Variants in CSNK1D observed in about 807,000 individuals in gnomAD.
CSNK1D encodes casein kinase I isoform delta.
A neutral mutation model predicts 46.6 loss-of-function variants in CSNK1D; 16 were observed. The observed-to-expected ratio is 0.34, with a 90% CI of 0.23 to 0.52. The LOEUF is 0.52. Among genes scored for constraint, CSNK1D ranks in the 20% least tolerant of loss-of-function variants. The pLI is 0.95. For synonymous variants in CSNK1D, 276 were observed against 228.2 expected (o/e 1.21, Z -1.89); for missense variants, 398 against 578.4 (o/e 0.69, Z 3.20).
At chr17:82,268,271 G>A (rs962265195) in intron 1 of CSNK1D, among the ~76,000 whole-genome samples, 1 of 152,294 alleles carries the variant, frequency 6.6e-6, no homozygotes, top group East Asian at 1.9e-4. Flanking sequence ...CCTCAAGGTC[G>A]CTGAGCACTG....
Position 82,273,150 on chromosome 17 carries a change from A to G in CSNK1D, c.76+156T>C. 1.4e-6 allele frequency: 1 copy of G among 718,866 alleles called. No homozygotes were observed. Among genetic ancestry groups the G allele is most frequent in the Non-Finnish European group, 2.2e-6 (1 of 446,006 alleles). The allele number at this position is 718,866 out of a possible 1,614,324, so 44.5% of individuals were successfully genotyped here. On this transcript the variant is annotated intron_variant, in intron 1 of 8. Coordinates refer to ENST00000314028, the MANE Select transcript of CSNK1D (RefSeq NM_001893.6). The surrounding 1 kb of genome is among the most constrained non-coding windows in gnomAD (Gnocchi z 5.1). ...TGCCCTCCCCACCCCTGGCCGCGCT[A>G]GCCTAGTGGCCGTTGGGTTCTGGCC...
At chr17:82,264,423 A>G (rs1464934766) in intron 2 of CSNK1D, among the ~76,000 whole-genome samples, 1 of 152,230 alleles carries the variant, frequency 6.6e-6, no homozygotes, top group Non-Finnish European at 1.5e-5. Context: ...TTGAAAGTCC[A>G]GGGAACTCGC....
At chr17:82,245,007 G>A in intron 8 of CSNK1D, 176 bp from the exon 9 acceptor site, 2 of 761,784 alleles carry the variant, frequency 2.6e-6, no homozygotes, top group Admixed American at 2.2e-5. Flanking sequence ...CACGTGCTCA[G>A]CAGAACGAGT....
chr17:82,255,251 A>G lies in CSNK1D; in HGVS notation c.336+178T>C, dbSNP rs1445754675. On this transcript the variant is annotated intron_variant, in intron 3 of 8. Coordinates refer to ENST00000314028, the MANE Select transcript of CSNK1D (RefSeq NM_001893.6). The surrounding 1 kb of genome is among the most constrained non-coding windows in gnomAD (Gnocchi z 5.9). ...GGAGCCTCGAGAAGCCAGTGAGCGG[A>G]GCCACCGGAGCCTCGAGAAGCCAGT... 2.3e-5 allele frequency: 17 copies of G among 750,876 alleles called. No homozygotes were observed. Among genetic ancestry groups the G allele is most frequent in the Non-Finnish European group, 3.7e-5 (16 of 438,354 alleles). 46.5% of individuals were successfully genotyped at this position (750,876 alleles called of 1,614,324 possible).
At chr17:82,264,215 C>T (rs1348254402) in intron 2 of CSNK1D, among the ~76,000 whole-genome samples, 2 of 152,222 alleles carry the variant, frequency 1.3e-5, no homozygotes, top group African/African-American at 2.4e-5. Context: ...GGGGACTCAC[C>T]CAACCATCCA....
chr17:82,258,332 A>G (rs557707545), intron 2 of CSNK1D, among the ~76,000 whole-genome samples: 5 of 150,570 alleles, frequency 3.3e-5, no homozygotes, highest in African/African-American at 1.2e-4. Context: ...ACCTGAACAT[A>G]TGTGTATATA....
chr17:82,243,452 C>T lies in CSNK1D; in HGVS notation c.*1329G>A. The T allele has an allele frequency of 1.0e-6, 1 of 985,566 alleles. No homozygotes were observed. Among genetic ancestry groups the T allele is most frequent in the Non-Finnish European group, 1.2e-6 (1 of 830,008 alleles). 61.1% of individuals were successfully genotyped at this position (985,566 alleles called of 1,614,324 possible). ...AAGGCATCCTGGGAACCTCAGGGCACAGCAGCATGGAGCCTGGGGCAGCAC... is the reference window on the plus strand; with the variant it reads ...AAGGCATCCTGGGAACCTCAGGGCATAGCAGCATGGAGCCTGGGGCAGCAC... On this transcript the variant is annotated 3_prime_UTR_variant, in exon 9 of 9. Coordinates refer to ENST00000314028, the MANE Select transcript of CSNK1D (RefSeq NM_001893.6).
chr17:82,249,409 G>A lies in CSNK1D; in HGVS notation c.1057+22C>T. 2 of 1,533,842 alleles carry A rather than the reference G, an allele frequency of 1.3e-6. No individual in the cohort carries two copies. Among genetic ancestry groups the A allele is most frequent in the Non-Finnish European group, 1.7e-6 (2 of 1,144,802 alleles). On this transcript the variant is annotated intron_variant, in intron 7 of 8. Coordinates refer to ENST00000314028, the MANE Select transcript of CSNK1D (RefSeq NM_001893.6). The surrounding 1 kb of genome is among the most constrained non-coding windows in gnomAD (Gnocchi z 6.7). ...AAGTCACCCCAGAGCCAGCCCCAGA[G>A]CGCTGGGAGGGGGGCACTCACCCGT... is the stretch of plus-strand genomic sequence containing the variant.
rs555256669 is a variant in CSNK1D at position 82,243,709 on chromosome 17, G to A, written c.*1072C>T. The stretch of plus-strand genomic sequence containing the variant: ...CTTGGCACGTGGCAAGGACAGCCCC[G>A]CTCCTGGTTTTAAGCACAGGCATTC... On this transcript the variant is annotated 3_prime_UTR_variant, in exon 9 of 9. Coordinates refer to ENST00000314028, the MANE Select transcript of CSNK1D (RefSeq NM_001893.6). 22 of 985,428 alleles carry A rather than the reference G, an allele frequency of 2.2e-5. No individual in the cohort carries two copies. In the East Asian group the frequency reaches 5.7e-4, roughly 25 times the overall value. 61.0% of individuals were successfully genotyped at this position (985,428 alleles called of 1,614,324 possible).
At chr17:82,240,111 C>T, downstream of CSNK1D, 1 of 1,215,586 alleles carries the variant, frequency 8.2e-7, no homozygotes, top group Non-Finnish European at 1.0e-6. Context: ...CCAGCTGTCC[C>T]CATCTGCCCC....
In CSNK1D at chr17:82,250,419, G is replaced by A. The variant is rs2050973446; in HGVS notation, c.886-817C>T. On this transcript the variant is annotated intron_variant, in intron 6 of 8. Coordinates refer to ENST00000314028, the MANE Select transcript of CSNK1D (RefSeq NM_001893.6). The surrounding 1 kb of genome is among the most constrained non-coding windows in gnomAD (Gnocchi z 4.6). ...CTGGCCTAGCCTGCTCTGAGGGCCGGGTGACTCTAATGCCGCAGGAGGGTC... is the reference window on the plus strand; with the variant it reads ...CTGGCCTAGCCTGCTCTGAGGGCCGAGTGACTCTAATGCCGCAGGAGGGTC... 1 of 355,914 alleles carries A rather than the reference G, an allele frequency of 2.8e-6. No individual in the cohort carries two copies. The highest frequency in any genetic ancestry group is 5.6e-6 in the Non-Finnish European group (1 of 180,062). The allele number at this position is 355,914 out of a possible 1,614,324, so 22.0% of individuals were successfully genotyped here.
At chr17:82,266,037 A>T (rs1213994767) in intron 1 of CSNK1D, among the ~76,000 whole-genome samples, 1 of 152,034 alleles carries the variant, frequency 6.6e-6, no homozygotes, top group Non-Finnish European at 1.5e-5. Flanking sequence ...GGCTTCCATC[A>T]CCCGCCCACC....
At chr17:82,262,668 C>G (rs1344085091) in intron 2 of CSNK1D, among the ~76,000 whole-genome samples, 1 of 152,280 alleles carries the variant, frequency 6.6e-6, no homozygotes, top group East Asian at 1.9e-4. Context: ...CCACCCATAA[C>G]AGGACAATCT....
rs946763385 is a variant in CSNK1D at position 82,252,676 on chromosome 17, C to A, written c.566-72G>T. 1 of 1,495,858 alleles carries A rather than the reference C, an allele frequency of 6.7e-7. No individual in the cohort carries two copies. The highest frequency in any genetic ancestry group is 9.1e-7 in the Non-Finnish European group (1 of 1,099,432). The allele number at this position is 1,495,858 out of a possible 1,614,324, so 92.7% of individuals were successfully genotyped here. On this transcript the variant is annotated intron_variant, in intron 4 of 8. Transcript: ENST00000314028. The surrounding 1 kb of genome is among the most constrained non-coding windows in gnomAD (Gnocchi z 4.6). ...CGTCAAAGCAAAAGACCCGGCTGGCCGTTCCAGTGGAGACTAGCCTCAGAC... is the reference window on the plus strand; with the variant it reads ...CGTCAAAGCAAAAGACCCGGCTGGCAGTTCCAGTGGAGACTAGCCTCAGAC...
chr17:82,243,890 G>A lies in CSNK1D; in HGVS notation c.*891C>T, dbSNP rs2050786030. 1.0e-6 allele frequency: 1 copy of A among 985,522 alleles called. No individual in the cohort carries two copies. The highest frequency in any genetic ancestry group is 1.7e-5 in the African/African-American group (1 of 57,224). The allele number at this position is 985,522 out of a possible 1,614,324, so 61.0% of individuals were successfully genotyped here. A position where few individuals can be genotyped will look rare whatever the true frequency, so the allele number is the denominator to read the frequency against. ...ACGCATCTTCCACCTTGAATCCTGGGACTCCCAATTGTCCTGCTAGGGTCT... is the reference window on the plus strand; with the variant it reads ...ACGCATCTTCCACCTTGAATCCTGGAACTCCCAATTGTCCTGCTAGGGTCT... On this transcript the variant is annotated 3_prime_UTR_variant, in exon 9 of 9. Transcript: ENST00000314028.
chr17:82,252,988 G>C lies in CSNK1D; in HGVS notation c.565+28C>G, dbSNP rs373197686. Reference sequence around the variant, plus strand: ...ATGGACGCGCCCAAAGGCACCCCAGGTCAGTGACCCCATGCCCAGGGGCTC... The same window carrying C: ...ATGGACGCGCCCAAAGGCACCCCAGCTCAGTGACCCCATGCCCAGGGGCTC... On this transcript the variant is annotated intron_variant, in intron 4 of 8. Transcript: ENST00000314028. The surrounding 1 kb of genome is among the most constrained non-coding windows in gnomAD (Gnocchi z 4.6). 5.0e-6 allele frequency: 8 copies of C among 1,605,550 alleles called. No homozygotes were observed. The highest frequency in any genetic ancestry group is 6.0e-6 in the Non-Finnish European group (7 of 1,172,416).
chr17:82,244,096 T>C lies in CSNK1D; in HGVS notation c.*685A>G, dbSNP rs2050790796. 3 of 988,226 alleles carry C rather than the reference T, an allele frequency of 3.0e-6. No homozygotes were observed. The highest frequency in any genetic ancestry group is 3.6e-6 in the Non-Finnish European group (3 of 831,834). The allele number at this position is 988,226 out of a possible 1,614,324, so 61.2% of individuals were successfully genotyped here. A position where few individuals can be genotyped will look rare whatever the true frequency, so the allele number is the denominator to read the frequency against. ...ATGTCAATTACGGGAGGAGGGAGGGTGAGACGCCAAAATCAGGTTGAAGAG... is the reference window on the plus strand; with the variant it reads ...ATGTCAATTACGGGAGGAGGGAGGGCGAGACGCCAAAATCAGGTTGAAGAG... On this transcript the variant is annotated 3_prime_UTR_variant, in exon 9 of 9. Coordinates refer to ENST00000314028, the MANE Select transcript of CSNK1D (RefSeq NM_001893.6).
chr17:82,265,474 C>T (rs967921050), intron 2 of CSNK1D: 4 of 570,774 alleles, frequency 7.0e-6, no homozygotes, highest in African/African-American at 1.9e-5. Context: ...CCACCATGCC[C>T]GGCCCATAAG....
intron 1 of CSNK1D, among the ~76,000 whole-genome samples, chr17:82,268,610 G>A (rs528588087): frequency 2.0e-5 from 3 of 152,274 alleles, no homozygotes; most frequent in Non-Finnish European, 2.9e-5. Context: ...CTGGTGACAC[G>A]CAGATCACCA....
Sources: allele counts gnomAD v4.1 joint callset (sites outside exome capture counted in the v4.1 genomes callset), GRCh38; gene constraint gnomAD v4.1.1; non-coding constraint Gnocchi (gnomAD v3.1); transcripts MANE v1.5; gene names NCBI Gene and HGNC (gene_info 2026-07-23, HGNC 2026-07-21).